The following SLC22A24 variants were observed in gnomAD, a reference collection of about 807,000 sequenced individuals.
The protein encoded by SLC22A24 is steroid transmembrane transporter SLC22A24.
Under a neutral mutation model 49.8 loss-of-function variants are expected in SLC22A24, and 53 were observed. The observed-to-expected ratio is 1.06, with a 90% confidence interval of 0.85 to 1.34. The LOEUF is 1.34. Among genes scored for constraint, SLC22A24 ranks in the 40% most tolerant of loss-of-function variants. The probability of loss-of-function intolerance (pLI) is 0.00; values close to 1 mark genes in which losing one functional copy is unlikely to be tolerated. For missense variants in SLC22A24, 786 were observed against 675.9 expected, an observed-to-expected ratio of 1.16 and a Z score of -1.81; for synonymous variants, 302 against 256.4, an observed-to-expected ratio of 1.18 and a Z score of -1.70.
chr11:63,092,506 C>T (rs1459152391), intron 6 of SLC22A24, among the ~76,000 whole-genome samples: 1 of 11,884 alleles, frequency 8.4e-5, no homozygotes, highest in African/African-American at 1.2e-4. Context: ...AACTATACTA[C>T]AAGGCTACAG....
At chr11:63,096,436 A>AT (rs1255092204) in intron 5 of SLC22A24, among the ~76,000 whole-genome samples, 1 of 152,194 alleles carries the variant, frequency 6.6e-6, no homozygotes, top group African/African-American at 2.4e-5. Context: ...TTTCTTTCTT[A>AT]TCCACTGGGC....
chr11:63,114,154 G>A (rs1428743962), intron 4 of SLC22A24, among the ~76,000 whole-genome samples: 1 of 152,186 alleles, frequency 6.6e-6, no homozygotes, highest in African/African-American at 2.4e-5. Flanking sequence ...ATCCTGAAGA[G>A]TGTTTTTCCA....
intron 1 of SLC22A24, among the ~76,000 whole-genome samples, chr11:63,141,498 T>G (rs1336137982): frequency 1.3e-5 from 2 of 152,194 alleles, no homozygotes; most frequent in African/African-American, 4.8e-5. Context: ...GAATCAAAGT[T>G]GACTTATGGA....
chr11:63,119,156 T>C (rs1022566341), intron 3 of SLC22A24, 25 bp downstream of exon 3: 10 of 1,529,466 alleles, frequency 6.5e-6, no homozygotes, highest in South Asian at 6.2e-5. Flanking sequence ...ATGGAGATGA[T>C]AAAATGCTCA....
intron 4 of SLC22A24, among the ~76,000 whole-genome samples, chr11:63,111,030 C>T (rs1231727277): frequency 6.6e-6 from 1 of 152,082 alleles, no homozygotes; most frequent in Non-Finnish European, 1.5e-5. Context: ...CCCATCAATA[C>T]CTAATTTATT....
chr11:63,083,130 C>G (rs1384869554), intron 7 of SLC22A24, 113 bp downstream of exon 7: 6 of 819,000 alleles, frequency 7.3e-6, no homozygotes, highest in Non-Finnish European at 1.2e-5. Context: ...TTCAGGGAAT[C>G]TTTTGGCTGT....
chr11:63,127,043 TA>T (rs1282730867), intron 2 of SLC22A24, among the ~76,000 whole-genome samples: 1 of 152,194 alleles, frequency 6.6e-6, no homozygotes, highest in Non-Finnish European at 1.5e-5. Flanking sequence ...GTTTGTTACA[TA>T]TGTATACACG....
intron 2 of SLC22A24, among the ~76,000 whole-genome samples, chr11:63,131,297 T>G (rs933318627): frequency 6.6e-6 from 1 of 152,194 alleles, no homozygotes; most frequent in Non-Finnish European, 1.5e-5. Flanking sequence ...AATATTATTA[T>G]GTTTGAATTC....
intron 6 of SLC22A24, among the ~76,000 whole-genome samples, chr11:63,092,093 T>C (rs2087023837): frequency 6.6e-6 from 1 of 152,088 alleles, no homozygotes. Flanking sequence ...TCACAAGCAT[T>C]CCTATACACC....
At position 63,081,447 on chromosome 11, in the gene SLC22A24, A is replaced by T. The variant is rs766202079; in HGVS notation, c.1394+111T>A. 3 of 776,488 alleles carry T rather than the reference A, an allele frequency of 3.9e-6. No homozygotes were observed. In the African/African-American group the frequency reaches 5.2e-5, roughly 13 times the overall value. The allele number at this position is 776,488 out of a possible 1,614,324, so 48.1% of individuals were successfully genotyped here. A position where few individuals can be genotyped will look rare whatever the true frequency, so the allele number is the denominator to read the frequency against. The stretch of plus-strand genomic sequence containing the variant: ...GCTCTCAGTTACTCTGTTCATTTCT[A>T]TTACAGTTAATTCATCTGGCACCTA... On this transcript the variant is annotated intron_variant, in intron 8 of 9. Coordinates refer to ENST00000612278, the MANE Select transcript of SLC22A24 (RefSeq NM_001136506.2).
At chr11:63,089,217 G>T (rs921491480) in intron 6 of SLC22A24, among the ~76,000 whole-genome samples, 2 of 152,198 alleles carry the variant, frequency 1.3e-5, no homozygotes, top group Non-Finnish European at 2.9e-5. Flanking sequence ...ACTAAAAGTG[G>T]ATCACTCTGC....
At chr11:63,110,223 C>T (rs1486830779) in intron 4 of SLC22A24, among the ~76,000 whole-genome samples, 1 of 151,876 alleles carries the variant, frequency 6.6e-6, no homozygotes, top group South Asian at 2.1e-4. Flanking sequence ...GTTTTGGTAC[C>T]AGTACCATGC....
At chr11:63,117,883 C>T (rs1417881928) in intron 4 of SLC22A24, among the ~76,000 whole-genome samples, 2 of 152,104 alleles carry the variant, frequency 1.3e-5, no homozygotes, top group African/African-American at 4.8e-5. Flanking sequence ...GGTGTTGGCG[C>T]CCCCAACACT....
In SLC22A24 at chr11:63,081,034, T is replaced by G; in HGVS notation, c.1484A>C (p.His495Pro). The G allele has an allele frequency of 6.4e-7, 1 of 1,551,568 alleles. No individual in the cohort carries two copies. The highest frequency in any genetic ancestry group is 8.7e-7 in the Non-Finnish European group (1 of 1,146,972). ...GACTCCATAGGAAATCCAGGGTAGGTGGGGAGAATACGCCATTAAGGTCAT... is the reference window on the plus strand; with the variant it reads ...GACTCCATAGGAAATCCAGGGTAGGGGGGGAGAATACGCCATTAAGGTCAT... ...LLMTLMAYSP[H>P]LPWISYGVFP... Residue 495 changes from histidine to proline, a missense_variant, in exon 9 of 10, where the codon CAC becomes CCC. By Grantham distance (77) the His-to-Pro change is moderately conservative. Transcript: ENST00000612278.
chr11:63,117,755 C>G (rs1015127939), intron 4 of SLC22A24, among the ~76,000 whole-genome samples: 1 of 152,090 alleles, frequency 6.6e-6, no homozygotes, highest in Non-Finnish European at 1.5e-5. Context: ...ATGCATATAA[C>G]ACACAGAATA....
At chr11:63,104,086 A>G (rs925310849) in intron 5 of SLC22A24, 89 bp downstream of exon 5, 1 of 1,387,832 alleles carries the variant, frequency 7.2e-7, no homozygotes, top group African/African-American at 1.4e-5. Context: ...ACAGAAGTCT[A>G]ATTCTGTCAC....
intron 2 of SLC22A24, 116 bp from the exon 3 acceptor site, chr11:63,119,451 G>A (rs919024098): frequency 4.1e-6 from 4 of 980,590 alleles, no homozygotes; most frequent in Non-Finnish European, 5.9e-6. Context: ...GGAACATGGT[G>A]CTTGACACCG....
At chr11:63,116,811 C>T (rs2155322) in intron 4 of SLC22A24, among the ~76,000 whole-genome samples, 151,672 of 152,290 alleles carry the variant, frequency 1, 75,532 homozygotes, top group Middle Eastern at 1. Flanking sequence ...ATAATCTCAA[C>T]ACTGTCTTCA....
At chr11:63,130,416 G>A (rs999491219) in intron 2 of SLC22A24, among the ~76,000 whole-genome samples, 15 of 152,138 alleles carry the variant, frequency 9.9e-5, no homozygotes, top group Non-Finnish European at 1.6e-4. Flanking sequence ...ATGTTCATCA[G>A]GGATGTTGGT....
Sources: gnomAD v4.1 joint callset for allele counts (sites outside exome capture counted in the v4.1 genomes callset) on GRCh38, gnomAD v4.1.1 for gene constraint, MANE v1.5 for transcripts, NCBI Gene and HGNC (gene_info 2026-07-23, HGNC 2026-07-21) for gene names.